The following CNTN4 variants were observed in gnomAD, a reference collection of about 807,000 sequenced individuals.
CNTN4 encodes the protein contactin 4, also known as contactin-4.
In CNTN4, 77 loss-of-function variants were observed where a neutral mutation model predicts 122.5. The observed-to-expected ratio is 0.63, with a 90% CI of 0.52 to 0.76. CNTN4 has a LOEUF of 0.76. Among genes scored for constraint, CNTN4 ranks in the 30% least tolerant of loss-of-function variants. The probability of loss-of-function intolerance (pLI) is 0.00; values close to 1 mark genes in which losing one functional copy is unlikely to be tolerated. For synonymous variants in CNTN4, 512 were observed against 447.0 expected, an observed-to-expected ratio of 1.15 and a Z score of -1.83; for missense variants, 1,256 against 1,259.1, an observed-to-expected ratio of 1.00 and a Z score of 0.04.
At chr3:2,265,814 A>AT (rs1027290048) in intron 2 of CNTN4, among the ~76,000 whole-genome samples, 1 of 150,054 alleles carries the variant, frequency 6.7e-6, no homozygotes, top group Non-Finnish European at 1.5e-5. Flanking sequence ...GATTCCTAGA[A>AT]TTTTTTTTGT....
At chr3:2,376,281 A>T (rs1286925795) in intron 3 of CNTN4, among the ~76,000 whole-genome samples, 1 of 152,192 alleles carries the variant, frequency 6.6e-6, no homozygotes, top group African/African-American at 2.4e-5. Flanking sequence ...ATGGAATAAT[A>T]ATTATTATTC....
intron 2 of CNTN4, among the ~76,000 whole-genome samples, chr3:2,187,341 T>C (rs1356347346): frequency 6.6e-6 from 1 of 152,192 alleles, no homozygotes; most frequent in African/African-American, 2.4e-5. Flanking sequence ...CCTTGTAGTA[T>C]TGTTTGAAGT....
At chr3:3,019,458 G>A (rs541966417) in intron 14 of CNTN4, among the ~76,000 whole-genome samples, 1 of 151,788 alleles carries the variant, frequency 6.6e-6, no homozygotes, top group South Asian at 2.1e-4. Flanking sequence ...CACTCAACTA[G>A]TTTTTGTATT....
chr3:2,399,391 G>T (rs1257916987), intron 3 of CNTN4, among the ~76,000 whole-genome samples: 1 of 152,034 alleles, frequency 6.6e-6, no homozygotes, highest in Non-Finnish European at 1.5e-5. Context: ...GTGGATGAAG[G>T]TGTTTTTGTT....
intron 4 of CNTN4, among the ~76,000 whole-genome samples, chr3:2,644,765 C>T (rs2083046787): frequency 6.9e-6 from 1 of 144,984 alleles, no homozygotes; most frequent in Non-Finnish European, 1.5e-5. Context: ...TAACCCTGAG[C>T]ATACTAGATT....
At chr3:2,592,177 G>A (rs1418477304) in intron 4 of CNTN4, among the ~76,000 whole-genome samples, 3 of 152,080 alleles carry the variant, frequency 2.0e-5, no homozygotes, top group East Asian at 1.9e-4. Flanking sequence ...CACTGTGCCC[G>A]GCCTTCATTA....
chr3:2,735,802 A>G (rs1161626933), intron 4 of CNTN4: 2 of 360,302 alleles, frequency 5.6e-6, no homozygotes, highest in East Asian at 7.4e-5. Context: ...TTCTAATTTT[A>G]TCATCTCATT....
chr3:3,051,805 A>T (rs976359119), intron 23 of CNTN4, among the ~76,000 whole-genome samples: 13 of 152,160 alleles, frequency 8.5e-5, no homozygotes, highest in Admixed American at 8.5e-4. Context: ...AATTTTATGA[A>T]TTTCACTTGT....
rs914314360 is a variant in CNTN4, at chr3:2,804,384, C to T, written c.359-15102C>T. On this transcript the variant is annotated intron_variant, in intron 6 of 24. Coordinates refer to ENST00000418658, the MANE Select transcript of CNTN4 (RefSeq NM_175607.3). ...GCCTGGGTTAGTATTCTGGCATTAT[C>T]GTTTACTAACAATGTGTACTTGAGC... Among the ~76,000 whole-genome samples, 14 of 152,266 alleles carry T rather than the reference C, an allele frequency of 9.2e-5. No individual in the cohort carries two copies. The East Asian group carries it at 2.5e-3, about 27-fold the overall frequency.
At chr3:2,111,185 T>C (rs1472228615) in intron 2 of CNTN4, among the ~76,000 whole-genome samples, 1 of 152,212 alleles carries the variant, frequency 6.6e-6, no homozygotes, top group Admixed American at 6.5e-5. Flanking sequence ...TTATGGATAC[T>C]ATTAAGGTGG....
At chr3:2,891,712 G>T (rs2094042915) in intron 10 of CNTN4, among the ~76,000 whole-genome samples, 1 of 152,180 alleles carries the variant, frequency 6.6e-6, no homozygotes, top group African/African-American at 2.4e-5. Flanking sequence ...TAGTGAGCAA[G>T]GGGCAAAGGT....
chr3:2,715,452 C>A (rs1391479775), intron 4 of CNTN4, among the ~76,000 whole-genome samples: 2 of 152,132 alleles, frequency 1.3e-5, no homozygotes, highest in Admixed American at 1.3e-4. Flanking sequence ...GTTACTTTAG[C>A]AAATCAGTTG....
Position 2,159,455 on chromosome 3 carries a change from C to G in CNTN4, c.-145+58816C>G, listed in dbSNP as rs113367430. Reference sequence around the variant, plus strand: ...AAAGGTGACACAAAAGCCAGTTCAACCTGAATATTGGAAAAGAATTGCAGG... The same window carrying G: ...AAAGGTGACACAAAAGCCAGTTCAAGCTGAATATTGGAAAAGAATTGCAGG... On this transcript the variant is annotated intron_variant, in intron 2 of 24. Coordinates refer to ENST00000418658, the MANE Select transcript of CNTN4 (RefSeq NM_175607.3). 9.9e-3 allele frequency among the ~76,000 whole-genome samples: 1,507 copies of G among 152,212 alleles called. 33 individuals are homozygous for G. The highest frequency in any genetic ancestry group is 0.034 in the African/African-American group (1,396 of 41,518).
intron 2 of CNTN4, among the ~76,000 whole-genome samples, chr3:2,117,561 A>G (rs956454147): frequency 2.0e-5 from 3 of 152,186 alleles, no homozygotes; most frequent in Admixed American, 6.5e-5. Flanking sequence ...CCAACCCTCT[A>G]ATTATATCTT....
intron 4 of CNTN4, among the ~76,000 whole-genome samples, chr3:2,644,476 A>T (rs2150139970): frequency 6.6e-6 from 1 of 152,176 alleles, no homozygotes; most frequent in Admixed American, 6.5e-5. Context: ...CTGAGGGAAA[A>T]GGGAGATGAT....
At chr3:2,916,791 C>T (rs891312406) in intron 12 of CNTN4, among the ~76,000 whole-genome samples, 2 of 149,398 alleles carry the variant, frequency 1.3e-5, no homozygotes, top group South Asian at 2.1e-4. Context: ...GCAGAGGGGC[C>T]CCCCACCTCC....
At chr3:2,222,666 C>T (rs1045445560) in intron 2 of CNTN4, among the ~76,000 whole-genome samples, 68 of 151,876 alleles carry the variant, frequency 4.5e-4, no homozygotes, top group African/African-American at 1.6e-3. Flanking sequence ...CCCCACACCC[C>T]CAACACACAC....
At chr3:2,440,878 T>C (rs1454098880) in intron 3 of CNTN4, among the ~76,000 whole-genome samples, 2 of 144,550 alleles carry the variant, frequency 1.4e-5, no homozygotes, top group African/African-American at 5.2e-5. Flanking sequence ...TATATGTATA[T>C]ATGTATATAT....
intron 13 of CNTN4, among the ~76,000 whole-genome samples, chr3:2,932,105 C>G (rs1262212896): frequency 6.6e-6 from 1 of 152,126 alleles, no homozygotes; most frequent in African/African-American, 2.4e-5. Flanking sequence ...AGGCCGGGCG[C>G]AGTGGCTCAC....
Sources: allele counts gnomAD v4.1 joint callset (sites outside exome capture counted in the v4.1 genomes callset), GRCh38; gene constraint gnomAD v4.1.1; transcripts MANE v1.5; gene names NCBI Gene and HGNC (gene_info 2026-07-23, HGNC 2026-07-21).